Variants in AURKC observed in about 807,000 individuals in gnomAD.
AURKC encodes ARK-3.
Under a neutral mutation model 29.2 loss-of-function variants are expected in AURKC, and 15 were observed. The observed-to-expected ratio is 0.51, with a 90% CI of 0.34 to 0.79. The LOEUF (loss-of-function observed/expected upper bound fraction) is 0.79. Among genes scored for constraint, AURKC ranks in the 30% least tolerant of loss-of-function variants. The pLI, the probability that AURKC is intolerant of heterozygous loss-of-function variation, is 0.01. For missense variants in AURKC, 332 were observed against 383.2 expected, an observed-to-expected ratio of 0.87 and a Z score of 1.12; for synonymous variants, 150 against 149.9, an observed-to-expected ratio of 1.00 and a Z score of -0.01.
At chr19:57,231,906 CTG>C (rs1321901295) in intron 2 of AURKC, 119 bp downstream of exon 2, 1 of 1,603,780 alleles carries the variant, frequency 6.2e-7, no homozygotes, top group Non-Finnish European at 8.5e-7. Flanking sequence ...AGGGCTGGGT[CTG>C]TGTGAGAAGG....
In AURKC at chr19:57,232,749, G is replaced by A; in HGVS notation, c.435+69G>A. Reference sequence around the variant, plus strand: ...TGGGCTGGTGGGAGCTCTGTTTGTGGCTGTCAGGAGGGTCCGCATTGCCTT... The same window carrying A: ...TGGGCTGGTGGGAGCTCTGTTTGTGACTGTCAGGAGGGTCCGCATTGCCTT... On this transcript the variant is annotated intron_variant, in intron 4 of 6. Coordinates refer to ENST00000302804, the MANE Select transcript of AURKC (RefSeq NM_001015878.2). The surrounding 1 kb of genome is among the most constrained non-coding windows in gnomAD (Gnocchi z 4.5). 1 of 1,604,144 alleles carries A rather than the reference G, an allele frequency of 6.2e-7. No homozygotes were observed. Among genetic ancestry groups the A allele is most frequent in the South Asian group, 1.1e-5 (1 of 90,724 alleles).
intron 1 of AURKC, 143 bp downstream of exon 1, chr19:57,231,449 C>T: frequency 1.0e-6 from 1 of 989,190 alleles, no homozygotes; most frequent in Admixed American, 2.0e-5. Context: ...CCCTCCCTTC[C>T]CTCCAATTCT....
At position 57,231,129 on chromosome 19, in the gene AURKC, C is replaced by T. The variant is rs112039303; in HGVS notation, c.-120C>T. On this transcript the variant is annotated 5_prime_UTR_variant, in exon 1 of 7. In the 5' UTR this introduces an upstream ATG that the reference lacks. Transcript: ENST00000302804. ...GTGAGACATCAGTGAGGCTGCAGGA[C>T]GAGCAGGATTGGAAGCGCCCCGGCC... 2.1e-4 allele frequency: 16 copies of T among 76,724 alleles called. No individual in the cohort carries two copies. Among genetic ancestry groups the T allele is most frequent in the African/African-American group, 1.3e-3 (16 of 12,254 alleles). The allele number at this position is 76,724 out of a possible 1,614,324, so 4.8% of individuals were successfully genotyped here.
At position 57,235,387 on chromosome 19, in the gene AURKC, G is replaced by T. The variant is rs773023495; in HGVS notation, c.900G>T (p.Val300=). 3.1e-6 allele frequency: 5 copies of T among 1,614,032 alleles called. No homozygotes were observed. The South Asian group carries it at 5.5e-5, about 18-fold the overall frequency. ...HPWVQAHSRR[V]LPPCAQMAS ...GGGTTCAGGCCCACTCCCGAAGGGT[G>T]CTGCCTCCCTGTGCTCAGATGGCTT... is the stretch of plus-strand genomic sequence containing the variant. The change falls in exon 7 of 7, where the codon GTG becomes GTT. Residue 300 remains valine (V), a synonymous_variant. Transcript: ENST00000302804.
At chr19:57,233,711 G>C in intron 5 of AURKC, 103 bp downstream of exon 5, 1 of 1,521,316 alleles carries the variant, frequency 6.6e-7, no homozygotes, top group Non-Finnish European at 9.1e-7. Flanking sequence ...ATACGAACTT[G>C]GGGTTTCTAT....
rs45623632 is a variant in AURKC, at chr19:57,232,571, A to G, written c.326A>G (p.Tyr109Cys). The G allele has an allele frequency of 6.2e-7, 1 of 1,613,948 alleles. No homozygotes were observed. Among genetic ancestry groups the G allele is most frequent in the South Asian group, 1.1e-5 (1 of 91,088 alleles). ...CCCAATATCCTGCGCCTGTATAACT[A>G]TTTCCATGATGCACGCCGGGTGTAC... ...QHPNILRLYNYFHDARRVYLI... is the reference protein window; with the variant it reads ...QHPNILRLYNCFHDARRVYLI... The change falls in exon 4 of 7, where the codon TAT (tyrosine) becomes TGT (cysteine). Residue 109 changes from tyrosine (Y) to cysteine (C), a missense_variant. Tyr to Cys is a radical substitution (Grantham distance 194). Transcript: ENST00000302804. The surrounding 1 kb of genome is among the most constrained non-coding windows in gnomAD (Gnocchi z 4.5).
At chr19:57,233,058 C>T (rs73627402) in intron 4 of AURKC, among the ~76,000 whole-genome samples, 8,002 of 152,176 alleles carry the variant, frequency 0.053, 736 homozygotes, top group African/African-American at 0.18. Context: ...GGAAAGGGAA[C>T]CATGGCAATG....
At position 57,234,883 on chromosome 19, in the gene AURKC, G is replaced by A; in HGVS notation, c.585-1G>A. ...TTATTCCCTTTTCTGCCTTCCTCTAGGAGGAAGACAATGTGTGGGACACTG... is the reference window on the plus strand; with the variant it reads ...TTATTCCCTTTTCTGCCTTCCTCTAAGAGGAAGACAATGTGTGGGACACTG... On this transcript the variant is annotated splice_acceptor_variant, in intron 5 of 6. Transcript: ENST00000302804. LOFTEE classifies it high-confidence loss of function. 3 of 1,614,078 alleles carry A rather than the reference G, an allele frequency of 1.9e-6. No individual in the cohort carries two copies. Among genetic ancestry groups the A allele is most frequent in the Admixed American group, 3.3e-5 (2 of 60,026 alleles).
Position 57,232,493 on chromosome 19 carries a change from A to G in AURKC, c.297-49A>G, listed in dbSNP as rs756224798. The G allele has an allele frequency of 1.2e-6, 2 of 1,613,706 alleles. No homozygotes were observed. The highest frequency in any genetic ancestry group is 3.3e-5 in the Admixed American group (2 of 60,020). On this transcript the variant is annotated intron_variant, in intron 3 of 6. Transcript: ENST00000302804. This position sits in a 1 kb window ranked among gnomAD's most constrained non-coding sequence, Gnocchi z 4.5. ...GACCAGGCAGTGACGGTGGCATCAT[A>G]TGATAGGCCTCAGGGAGAAATCTGA...
At chr19:57,235,086 G>C (rs778790067) in intron 6 of AURKC, 28 bp downstream of exon 6, 21 of 1,613,804 alleles carry the variant, frequency 1.3e-5, no homozygotes, top group Non-Finnish European at 1.8e-5. Context: ...GGGCATTCAT[G>C]GGGGAGCTGG....
Position 57,232,767 on chromosome 19 carries a change from A to G in AURKC, c.435+87A>G. The G allele has an allele frequency of 6.4e-7, 1 of 1,555,996 alleles. No individual in the cohort carries two copies. Among genetic ancestry groups the G allele is most frequent in the Non-Finnish European group, 8.8e-7 (1 of 1,132,792 alleles). ...GTTTGTGGCTGTCAGGAGGGTCCGC[A>G]TTGCCTTCTGAGAAGTTTACTTCTG... On this transcript the variant is annotated intron_variant, in intron 4 of 6. Coordinates refer to ENST00000302804, the MANE Select transcript of AURKC (RefSeq NM_001015878.2). This position sits in a 1 kb window ranked among gnomAD's most constrained non-coding sequence, Gnocchi z 4.5.
At chr19:57,231,568 ACCTCTCCCTCCC>A in intron 1 of AURKC, 162 bp from the exon 2 acceptor site, 1 of 716,702 alleles carries the variant, frequency 1.4e-6, no homozygotes, top group Non-Finnish European at 2.2e-6. Context: ...TCTTCCCCTT[ACCTCTCCCTCCC>A]CCTCTCCCTG....
At position 57,235,546 on chromosome 19, in the gene AURKC, C is replaced by T; in HGVS notation, c.*129C>T. ...TTAATAAAAGCTGAATCATTTCATACCAGCTCTTCATAGTTGTGTGAGTTA... is the reference window on the plus strand; with the variant it reads ...TTAATAAAAGCTGAATCATTTCATATCAGCTCTTCATAGTTGTGTGAGTTA... On this transcript the variant is annotated 3_prime_UTR_variant, in exon 7 of 7. Coordinates refer to ENST00000302804, the MANE Select transcript of AURKC (RefSeq NM_001015878.2). The T allele has an allele frequency of 8.9e-7, 1 of 1,123,274 alleles. No homozygotes were observed. Among genetic ancestry groups the T allele is most frequent in the Middle Eastern group, 2.8e-4 (1 of 3,534 alleles). The allele number at this position is 1,123,274 out of a possible 1,614,324, so 69.6% of individuals were successfully genotyped here.
chr19:57,234,419 A>G (rs1051722153), intron 5 of AURKC, among the ~76,000 whole-genome samples: 13 of 152,206 alleles, frequency 8.5e-5, no homozygotes, highest in African/African-American at 2.9e-4. Flanking sequence ...ATGTGGTCCA[A>G]TCAAACCTTT....
rs1195481004 is a variant in AURKC at position 57,232,039 on chromosome 19, C to A, written c.111C>A (p.Arg37=). ...AQQPSSPAMR[R]LTVDDFEIGR... ...TTTCTTCCTCTCCTGTCAGGCGGCG[C>A]CTCACAGTCGATGACTTTGAAATCG... Residue 37 remains arginine, a synonymous_variant, in exon 3 of 7, where the codon CGC becomes CGA. Coordinates refer to ENST00000302804, the MANE Select transcript of AURKC (RefSeq NM_001015878.2). The surrounding 1 kb of genome is among the most constrained non-coding windows in gnomAD (Gnocchi z 4.5). 2 of 1,614,124 alleles carry A rather than the reference C, an allele frequency of 1.2e-6. No individual in the cohort carries two copies. The highest frequency in any genetic ancestry group is 1.7e-6 in the Non-Finnish European group (2 of 1,180,026).
rs1472508163 is a variant in AURKC, at chr19:57,231,258, C to T, written c.10C>T (p.Pro4Ser). The T allele has an allele frequency of 8.4e-6, 13 of 1,552,204 alleles. No homozygotes were observed. Among genetic ancestry groups the T allele is most frequent in the Non-Finnish European group, 1.1e-5 (13 of 1,147,228 alleles). Residue 4 changes from proline to serine, a missense_variant, in exon 1 of 7, where the codon CCC becomes TCC. Pro to Ser is a moderately conservative substitution (Grantham distance 74). Transcript: ENST00000302804. MSS[P>S]RAVVQLGKAQ... The stretch of plus-strand genomic sequence containing the variant: ...CTCACCTCTTCTCCCCATGAGCTCC[C>T]CCAGAGCTGTGGTGCAGCTGGGCAA...
chr19:57,231,036 C>G lies in AURKC; in HGVS notation c.-213C>G. The stretch of plus-strand genomic sequence containing the variant: ...AAGTACCTCTCTGAGCGGTTGGTGC[C>G]GGGTATAAAAGAAGGCCGCGCAGCC... On this transcript the variant is annotated 5_prime_UTR_variant, in exon 1 of 7. Transcript: ENST00000302804. 8.7e-7 allele frequency: 1 copy of G among 1,155,760 alleles called. No individual in the cohort carries two copies. Among genetic ancestry groups the G allele is most frequent in the Non-Finnish European group, 1.3e-6 (1 of 786,150 alleles). The allele number at this position is 1,155,760 out of a possible 1,614,324, so 71.6% of individuals were successfully genotyped here.
rs565008485 is a variant in AURKC, at chr19:57,235,348, C to T, written c.861C>T (p.Ile287=). ...TGGAGAGACTGCCCCTGGCCCAGATCCTGAAGCACCCCTGGGTTCAGGCCC... is the reference window on the plus strand; with the variant it reads ...TGGAGAGACTGCCCCTGGCCCAGATTCTGAAGCACCCCTGGGTTCAGGCCC... ...QPLERLPLAQ[I]LKHPWVQAHS... Residue 287 remains isoleucine, a synonymous_variant, in exon 7 of 7, where the codon ATC becomes ATT. Coordinates refer to ENST00000302804, the MANE Select transcript of AURKC (RefSeq NM_001015878.2). 4.3e-6 allele frequency: 7 copies of T among 1,614,164 alleles called. No individual in the cohort carries two copies. In the South Asian group the frequency reaches 5.5e-5, roughly 13 times the overall value.
rs2087483579 is a variant in AURKC at position 57,231,150 on chromosome 19, C to T, written c.-99C>T. Reference sequence around the variant, plus strand: ...AGGACGAGCAGGATTGGAAGCGCCCCGGCCAGAAAGTGACCCCCCACCCCT... The same window carrying T: ...AGGACGAGCAGGATTGGAAGCGCCCTGGCCAGAAAGTGACCCCCCACCCCT... On this transcript the variant is annotated 5_prime_UTR_variant, in exon 1 of 7. Transcript: ENST00000302804. The T allele has an allele frequency of 3.3e-6, 5 of 1,531,088 alleles. No individual in the cohort carries two copies. The highest frequency in any genetic ancestry group is 4.4e-6 in the Non-Finnish European group (5 of 1,131,930). The allele number at this position is 1,531,088 out of a possible 1,614,324, so 94.8% of individuals were successfully genotyped here.
Sources: gnomAD v4.1 joint callset for allele counts (sites outside exome capture counted in the v4.1 genomes callset) on GRCh38, gnomAD v4.1.1 for gene constraint, Gnocchi (gnomAD v3.1) non-coding constraint, MANE v1.5 for transcripts, NCBI Gene and HGNC (gene_info 2026-07-23, HGNC 2026-07-21) for gene names.